Variants in PLXDC1 observed in about 807,000 individuals in gnomAD.
PLXDC1 encodes plexin domain containing 1.
Under a neutral mutation model 61.3 loss-of-function variants are expected in PLXDC1, and 39 were observed. The observed-to-expected ratio is 0.64, with a 90% confidence interval of 0.49 to 0.83. PLXDC1 has a LOEUF of 0.83. Among genes scored for constraint, PLXDC1 ranks in the 40% least tolerant of loss-of-function variants. The pLI is 0.00. For synonymous variants in PLXDC1, 212 were observed against 254.5 expected (o/e 0.83, Z 1.59); for missense variants, 596 against 666.5 (o/e 0.89, Z 1.17).
chr17:39,133,348 G>A (rs925770849), intron 2 of PLXDC1, among the ~76,000 whole-genome samples: 1 of 152,144 alleles, frequency 6.6e-6, no homozygotes, highest in African/African-American at 2.4e-5. Flanking sequence ...CCTGGTGTGT[G>A]TAAGCACTGA....
At chr17:39,096,906 AC>A in intron 7 of PLXDC1, 1 of 471,280 alleles carries the variant, frequency 2.1e-6, no homozygotes, top group Non-Finnish European at 4.4e-6. Context: ...GCCTCTGCAA[AC>A]AGATGCTGCT....
chr17:39,128,163 G>GTATATATATGTGTA lies in PLXDC1; in HGVS notation c.255+11490_255+11491insTACACATATATATA, dbSNP rs1567769654. ...TGTATATATATGTGTGTATATATATGTATATATATGTATATATATATGTGT... is the reference window on the plus strand; with the variant it reads ...TGTATATATATGTGTGTATATATATGTATATATATGTGTATATATATATGTATATATATATGTGT... On this transcript the variant is annotated intron_variant, in intron 2 of 13. Transcript: ENST00000315392. 4.8e-3 allele frequency among the ~76,000 whole-genome samples: 116 copies of GTATATATATGTGTA among 24,372 alleles called. 4 individuals are homozygous for GTATATATATGTGTA. The highest frequency in any genetic ancestry group is 0.021 in the African/African-American group (112 of 5,374). 16.0% of individuals were successfully genotyped at this position (24,372 alleles called of 152,430 possible).
At chr17:39,150,661 C>T (rs1385472554) in intron 1 of PLXDC1, among the ~76,000 whole-genome samples, 3 of 152,050 alleles carry the variant, frequency 2.0e-5, no homozygotes, top group Non-Finnish European at 2.9e-5. Context: ...CAGAATGGGA[C>T]GCCTCCCTCC....
At chr17:39,078,995 A>G in intron 10 of PLXDC1, 109 bp downstream of exon 10, 2 of 856,540 alleles carry the variant, frequency 2.3e-6, no homozygotes, top group Non-Finnish European at 3.9e-6. Flanking sequence ...GGATATTGCC[A>G]AGAGCTAATG....
At chr17:39,147,137 T>C (rs1366511589) in intron 1 of PLXDC1, among the ~76,000 whole-genome samples, 1 of 151,930 alleles carries the variant, frequency 6.6e-6, no homozygotes, top group Non-Finnish European at 1.5e-5. Context: ...CTTGTGTTTT[T>C]AGTAGAGACA....
intron 8 of PLXDC1, among the ~76,000 whole-genome samples, chr17:39,084,599 G>A (rs1241053925): frequency 6.6e-6 from 1 of 152,218 alleles, no homozygotes; most frequent in Non-Finnish European, 1.5e-5. Context: ...GGTCCCATGT[G>A]CAGAGCCGAG....
At chr17:39,094,944 A>G (rs1254671730) in intron 7 of PLXDC1, among the ~76,000 whole-genome samples, 1 of 152,152 alleles carries the variant, frequency 6.6e-6, no homozygotes, top group South Asian at 2.1e-4. Context: ...GCTTTCCCTC[A>G]TCAGAAGGAA....
intron 1 of PLXDC1, among the ~76,000 whole-genome samples, chr17:39,145,440 C>T (rs1309062420): frequency 6.6e-6 from 1 of 152,176 alleles, no homozygotes; most frequent in African/African-American, 2.4e-5. Flanking sequence ...CCTGGGCCAC[C>T]CCATAGCTCA....
intron 2 of PLXDC1, among the ~76,000 whole-genome samples, chr17:39,125,820 CT>C (rs1167306672): frequency 6.6e-6 from 1 of 152,180 alleles, no homozygotes; most frequent in Non-Finnish European, 1.5e-5. Context: ...CACTATTTCT[CT>C]TTTATTGAGC....
At chr17:39,148,328 C>A (rs1041354116) in intron 1 of PLXDC1, among the ~76,000 whole-genome samples, 1 of 152,024 alleles carries the variant, frequency 6.6e-6, no homozygotes, top group African/African-American at 2.4e-5. Flanking sequence ...CTCAGCCTTC[C>A]GAGTACCTGG....
At chr17:39,118,097 C>CCTTCCTTT (rs1911045630) in intron 2 of PLXDC1, among the ~76,000 whole-genome samples, 2 of 128,774 alleles carry the variant, frequency 1.6e-5, no homozygotes, top group Non-Finnish European at 3.2e-5. Flanking sequence ...TTCCTTCCTT[C>CCTTCCTTT]CTTCCTTCCT....
intron 6 of PLXDC1, among the ~76,000 whole-genome samples, chr17:39,107,004 G>A (rs1910618130): frequency 6.6e-6 from 1 of 152,124 alleles, no homozygotes; most frequent in African/African-American, 2.4e-5. Context: ...CCTGCCTCAG[G>A]ACTTTTGCAT....
In PLXDC1 at chr17:39,108,151, G is replaced by A. The variant is rs781078483; in HGVS notation, c.564C>T (p.Asp188=). 6.2e-7 allele frequency: 1 copy of A among 1,614,082 alleles called. No individual in the cohort carries two copies. Among genetic ancestry groups the A allele is most frequent in the South Asian group, 1.1e-5 (1 of 91,082 alleles). Residue 188 remains aspartate (D), a synonymous_variant, in exon 5 of 14, where the codon GAC becomes GAT. Transcript: ENST00000315392. ...LMANFNPGYS[D]NSTVVYFDNG... ...TGTCAAAGTAAACAACTGTGGAGTT[G>A]TCGGAGTAGCCAGGGTTGAAGTTGG... is the stretch of plus-strand genomic sequence containing the variant.
rs116574714 is a variant in PLXDC1, at chr17:39,077,729, G to A, written c.1186+184C>T. 4.5e-3 allele frequency among the ~76,000 whole-genome samples: 688 copies of A among 152,302 alleles called. 9 individuals are homozygous for A. The highest frequency in any genetic ancestry group is 0.016 in the African/African-American group (656 of 41,558). ...GAGTAGAGTTCAAGTTCTAAATCTGGCTCTGCTTCTCACCAGCAAGTGACC... is the reference window on the plus strand; with the variant it reads ...GAGTAGAGTTCAAGTTCTAAATCTGACTCTGCTTCTCACCAGCAAGTGACC... On this transcript the variant is annotated intron_variant, in intron 11 of 13. Transcript: ENST00000315392.
At chr17:39,069,322 T>C (rs560463068) in intron 13 of PLXDC1, among the ~76,000 whole-genome samples, 1 of 152,230 alleles carries the variant, frequency 6.6e-6, no homozygotes, top group Admixed American at 6.5e-5. Context: ...CCCAGGCTAG[T>C]CTCAAACTCC....
Position 39,139,774 on chromosome 17 carries a change from G to A in PLXDC1, c.135C>T (p.Asn45=). The change falls in exon 2 of 14, where the codon AAC becomes AAT. Residue 45 remains asparagine, a synonymous_variant. Transcript: ENST00000315392. The part of the protein sequence containing the change: ...WAAKGTVRGW[N]RRARESPGHV... ...GCCCAGGGCTCTCTCGGGCTCTCCG[G>A]TTCCAGCCCCGCACGGTCCCTTTGG... The A allele has an allele frequency of 1.2e-6, 2 of 1,613,940 alleles. No individual in the cohort carries two copies. Among genetic ancestry groups the A allele is most frequent in the Non-Finnish European group, 1.7e-6 (2 of 1,180,018 alleles).
At chr17:39,128,117 A>ATATATATGTATG (rs1555573193) in intron 2 of PLXDC1, among the ~76,000 whole-genome samples, 1 of 96,424 alleles carries the variant, frequency 1.0e-5, no homozygotes, top group Non-Finnish European at 1.9e-5. Context: ...ATATATATGT[A>ATATATATGTATG]TATATATATG....
At chr17:39,130,345 T>C (rs937459109) in intron 2 of PLXDC1, among the ~76,000 whole-genome samples, 2 of 151,902 alleles carry the variant, frequency 1.3e-5, no homozygotes, top group African/African-American at 4.8e-5. Flanking sequence ...CCCAGTTACT[T>C]GGGAGGCTGA....
chr17:39,087,775 T>G, intron 7 of PLXDC1, 73 bp from the exon 8 acceptor site: 8 of 1,046,326 alleles, frequency 7.6e-6, no homozygotes, highest in Non-Finnish European at 1.2e-5. Context: ...TCCCGGACAG[T>G]CTGACAGGTC....
Sources: gnomAD v4.1 joint callset for allele counts (sites outside exome capture counted in the v4.1 genomes callset) on GRCh38, gnomAD v4.1.1 for gene constraint, MANE v1.5 for transcripts, NCBI Gene and HGNC (gene_info 2026-07-23, HGNC 2026-07-21) for gene names.